Variants in PPARGC1A observed in about 807,000 individuals in gnomAD.
PPARGC1A encodes PPARG coactivator 1 alpha.
PPARGC1A carries 25 observed loss-of-function variants against 88.7 expected under a neutral mutation model. The observed-to-expected ratio is 0.28, with a 90% CI of 0.21 to 0.39. The LOEUF (loss-of-function observed/expected upper bound fraction) is 0.39, where lower values mean the gene tolerates loss of function less well. Among genes scored for constraint, PPARGC1A ranks in the 10% least tolerant of loss-of-function variants. The pLI, the probability that PPARGC1A is intolerant of heterozygous loss-of-function variation, is 1.00. For missense variants in PPARGC1A, 880 were observed against 968.7 expected, an observed-to-expected ratio of 0.91 and a Z score of 1.22; for synonymous variants, 363 against 355.6, an observed-to-expected ratio of 1.02 and a Z score of -0.24.
chr4:24,148,080 G>A, the PPARGC1A span, among the ~76,000 whole-genome samples: 1 of 152,152 alleles, frequency 6.6e-6, no homozygotes, highest in Admixed American at 6.5e-5. Context: ...GCTTTCCACT[G>A]CAATAGGATG....
the PPARGC1A span, among the ~76,000 whole-genome samples, chr4:23,975,706 C>T: frequency 6.6e-6 from 1 of 152,190 alleles, no homozygotes; most frequent in Non-Finnish European, 1.5e-5. Context: ...GCATGAGCCA[C>T]CATGCTCAGC....
At chr4:24,222,539 T>C in the PPARGC1A span, among the ~76,000 whole-genome samples, 9 of 152,156 alleles carry the variant, frequency 5.9e-5, no homozygotes, top group African/African-American at 2.2e-4. Context: ...GTTATAAAAA[T>C]TTAAAGTGAT....
chr4:24,260,385 T>A, the PPARGC1A span, among the ~76,000 whole-genome samples: 1 of 152,210 alleles, frequency 6.6e-6, no homozygotes, highest in Admixed American at 6.5e-5. Context: ...TCACAGACAC[T>A]CCACTTGGGT....
At chr4:24,437,414 C>CG in the PPARGC1A span, among the ~76,000 whole-genome samples, 32 of 152,184 alleles carry the variant, frequency 2.1e-4, no homozygotes, top group African/African-American at 5.1e-4. Flanking sequence ...GCTGAGGGAA[C>CG]GGGGGGTCCT....
chr4:24,267,105 A>G, the PPARGC1A span, among the ~76,000 whole-genome samples: 1 of 152,176 alleles, frequency 6.6e-6, no homozygotes, highest in Non-Finnish European at 1.5e-5. Context: ...ATAACAGAAT[A>G]CATTACACTG....
the PPARGC1A span, among the ~76,000 whole-genome samples, chr4:23,928,753 CA>C: frequency 9.7e-4 from 9 of 9,238 alleles, no homozygotes; most frequent in Non-Finnish European, 2.1e-3. Context: ...TATCCAGCCA[CA>C]AAAAAACAAA....
At chr4:24,428,228 C>T in the PPARGC1A span, among the ~76,000 whole-genome samples, 8 of 152,118 alleles carry the variant, frequency 5.3e-5, no homozygotes, top group African/African-American at 1.4e-4. Context: ...TCCTGATATT[C>T]GCACGCATCC....
chr4:23,972,229 A>T, the PPARGC1A span, among the ~76,000 whole-genome samples: 1 of 152,274 alleles, frequency 6.6e-6, no homozygotes, highest in African/African-American at 2.4e-5. Flanking sequence ...GTTTAAAGAG[A>T]TAATGATAAA....
intron 10 of PPARGC1A, among the ~76,000 whole-genome samples, chr4:23,807,450 G>T (rs907072492): frequency 6.6e-6 from 1 of 152,146 alleles, no homozygotes; most frequent in African/African-American, 2.4e-5. Flanking sequence ...ATGTGAATAA[G>T]TCCAGGTTAG....
intron 2 of PPARGC1A, among the ~76,000 whole-genome samples, chr4:23,867,986 G>A (rs781507679): frequency 3.9e-5 from 6 of 152,190 alleles, no homozygotes; most frequent in Non-Finnish European, 7.3e-5. Flanking sequence ...TGGGAACAGC[G>A]TGTTGGGAAG....
At chr4:24,042,221 T>C in the PPARGC1A span, among the ~76,000 whole-genome samples, 6 of 152,192 alleles carry the variant, frequency 3.9e-5, no homozygotes, top group Non-Finnish European at 8.8e-5. Context: ...AGGATGCCAA[T>C]ATGTATTCAG....
At chr4:24,167,843 C>T in the PPARGC1A span, among the ~76,000 whole-genome samples, 1 of 152,114 alleles carries the variant, frequency 6.6e-6, no homozygotes, top group Non-Finnish European at 1.5e-5. Context: ...AACCTCCACC[C>T]CCTGGGCTCA....
At chr4:24,378,586 T>A in the PPARGC1A span, among the ~76,000 whole-genome samples, 1 of 152,184 alleles carries the variant, frequency 6.6e-6, no homozygotes, top group Non-Finnish European at 1.5e-5. Flanking sequence ...AAATGAATCC[T>A]GGATTACTAG....
chr4:24,148,698 C>T, the PPARGC1A span, among the ~76,000 whole-genome samples: 5 of 152,302 alleles, frequency 3.3e-5, no homozygotes, highest in South Asian at 2.1e-4. Context: ...CTGGTGCCTA[C>T]GTGTCTGTGA....
At chr4:24,431,855 G>A in the PPARGC1A span, among the ~76,000 whole-genome samples, 309 of 152,264 alleles carry the variant, frequency 2.0e-3, no homozygotes, top group Middle Eastern at 0.01. Context: ...GGGAAGGAAA[G>A]TATTTCAAAA....
chr4:23,901,592 T>C (rs1249751407), upstream of PPARGC1A, among the ~76,000 whole-genome samples: 2 of 151,142 alleles, frequency 1.3e-5, no homozygotes, highest in African/African-American at 2.4e-5. Flanking sequence ...GACATCCATA[T>C]GGTGCATGAA....
chr4:23,892,784 T>A (rs890146511), upstream of PPARGC1A, among the ~76,000 whole-genome samples: 17 of 152,114 alleles, frequency 1.1e-4, no homozygotes, highest in African/African-American at 4.1e-4. Context: ...CAGCCATGTA[T>A]CACAAGGACT....
At chr4:24,084,480 T>A in the PPARGC1A span, among the ~76,000 whole-genome samples, 1 of 152,214 alleles carries the variant, frequency 6.6e-6, no homozygotes, top group Non-Finnish European at 1.5e-5. Flanking sequence ...GGAGCAGAAC[T>A]GTGCCTAAGC....
chr4:24,398,264 C>T, the PPARGC1A span, among the ~76,000 whole-genome samples: 1 of 152,120 alleles, frequency 6.6e-6, no homozygotes, highest in Admixed American at 6.5e-5. Flanking sequence ...ATAAAATACA[C>T]AGAAATACTT....
Sources: gnomAD v4.1 joint callset for allele counts (sites outside exome capture counted in the v4.1 genomes callset) on GRCh38, gnomAD v4.1.1 for gene constraint, MANE v1.5 for transcripts, NCBI Gene and HGNC (gene_info 2026-07-23, HGNC 2026-07-21) for gene names.